The following STX17 variants were observed in gnomAD, a reference collection of about 807,000 sequenced individuals.
STX17 encodes the protein syntaxin 17, also known as syntaxin-17.
STX17 carries 29 observed loss-of-function variants against 35.9 expected under a neutral mutation model. That is an observed-to-expected ratio of 0.81 (90% CI 0.60 to 1.10). The LOEUF (loss-of-function observed/expected upper bound fraction) is 1.10, where lower values mean the gene tolerates loss of function less well. STX17 is among the 50% of genes least tolerant of loss of function. STX17 has a pLI of 0.00. For synonymous variants in STX17, 92 were observed against 118.3 expected, an observed-to-expected ratio of 0.78 and a Z score of 1.44; for missense variants, 312 against 352.3, an observed-to-expected ratio of 0.89 and a Z score of 0.92.
chr9:99,959,934 G>A lies in STX17; in HGVS notation c.433G>A (p.Glu145Lys), dbSNP rs368533656. Residue 145 changes from glutamate to lysine, a missense_variant, in exon 5 of 8, where the codon GAA (glutamate) becomes AAA (lysine). Glu to Lys is a moderately conservative substitution (Grantham distance 56). Transcript: ENST00000259400. ...MTVGGAFHTT[E>K]AEASSQSLTQ... ...TCATCCAGGAGCATTTCATACTACT[G>A]AAGCTGAAGCTAGTTCTCAGAGTTT... 9 of 1,612,808 alleles carry A rather than the reference G, an allele frequency of 5.6e-6. No individual in the cohort carries two copies. Among genetic ancestry groups the A allele is most frequent in the Non-Finnish European group, 7.6e-6 (9 of 1,179,586 alleles).
chr9:99,949,179 A>G (rs1461751415), intron 3 of STX17, among the ~76,000 whole-genome samples: 1 of 152,102 alleles, frequency 6.6e-6, no homozygotes, highest in Non-Finnish European at 1.5e-5. Flanking sequence ...TAATTTTAAC[A>G]TATTAATACC....
intron 3 of STX17, among the ~76,000 whole-genome samples, chr9:99,943,083 G>A (rs904588494): frequency 6.6e-6 from 1 of 152,006 alleles, no homozygotes; most frequent in Non-Finnish European, 1.5e-5. Flanking sequence ...TTAACCTTTT[G>A]CAAATTTATT....
chr9:99,926,060 G>C (rs1331211087), intron 2 of STX17, among the ~76,000 whole-genome samples: 1 of 151,694 alleles, frequency 6.6e-6, no homozygotes, highest in African/African-American at 2.4e-5. Flanking sequence ...CTATTGCTGT[G>C]TCCTTAGGTT....
At chr9:99,968,008 T>C (rs1464934708) in intron 7 of STX17, among the ~76,000 whole-genome samples, 3 of 152,142 alleles carry the variant, frequency 2.0e-5, no homozygotes, top group Admixed American at 2.0e-4. Flanking sequence ...TTGCAGAGGG[T>C]AAAAGTGTAA....
intron 3 of STX17, among the ~76,000 whole-genome samples, chr9:99,947,563 T>G (rs2118466228): frequency 6.6e-6 from 1 of 152,306 alleles, no homozygotes; most frequent in South Asian, 2.1e-4. Flanking sequence ...CCTCCAGATA[T>G]TTTCATTTGC....
At chr9:99,959,598 T>C (rs6478990) in intron 4 of STX17, among the ~76,000 whole-genome samples, 104,286 of 151,288 alleles carry the variant, frequency 0.69, 36,218 homozygotes, top group African/African-American at 0.72. Flanking sequence ...TAGCTGGGAC[T>C]ACAGGTGTGT....
At position 99,968,777 on chromosome 9, in the gene STX17, G is replaced by C; in HGVS notation, c.*104G>C. On this transcript the variant is annotated 3_prime_UTR_variant, in exon 8 of 8. Transcript: ENST00000259400. Reference sequence around the variant, plus strand: ...TGGAACACAAGTATATCAAGATAGTGGCTACTGATGTTCAAGTGGGATTGA... The same window carrying C: ...TGGAACACAAGTATATCAAGATAGTCGCTACTGATGTTCAAGTGGGATTGA... 1 of 1,487,880 alleles carries C rather than the reference G, an allele frequency of 6.7e-7. No homozygotes were observed. Among genetic ancestry groups the C allele is most frequent in the Non-Finnish European group, 9.1e-7 (1 of 1,104,878 alleles). The allele number at this position is 1,487,880 out of a possible 1,614,324, so 92.2% of individuals were successfully genotyped here. A position where few individuals can be genotyped will look rare whatever the true frequency, so the allele number is the denominator to read the frequency against.
intron 3 of STX17, among the ~76,000 whole-genome samples, chr9:99,932,585 T>C (rs1829148129): frequency 6.6e-6 from 1 of 152,194 alleles, no homozygotes; most frequent in Non-Finnish European, 1.5e-5. Flanking sequence ...GTTTAATCTA[T>C]CATTTAAAAA....
chr9:99,913,500 G>T (rs868096229), intron 1 of STX17, among the ~76,000 whole-genome samples: 2 of 151,776 alleles, frequency 1.3e-5, no homozygotes, highest in Non-Finnish European at 1.5e-5. Flanking sequence ...ATTCAGGCTG[G>T]CCTCTTACTG....
At chr9:99,947,877 A>G (rs1241292919) in intron 3 of STX17, among the ~76,000 whole-genome samples, 4 of 151,208 alleles carry the variant, frequency 2.6e-5, no homozygotes, top group African/African-American at 7.3e-5. Context: ...ACCTCTCTAG[A>G]TTTCCATCTT....
intron 4 of STX17, among the ~76,000 whole-genome samples, chr9:99,955,910 A>G (rs1482930186): frequency 6.6e-6 from 1 of 152,150 alleles, no homozygotes; most frequent in Non-Finnish European, 1.5e-5. Context: ...CTGAAACTAT[A>G]ATCTATCTCA....
chr9:99,913,308 CT>C (rs1828697215), intron 1 of STX17, among the ~76,000 whole-genome samples: 1 of 151,982 alleles, frequency 6.6e-6, no homozygotes, highest in African/African-American at 2.4e-5. Flanking sequence ...GGGACTTCTA[CT>C]TGTTATTAAG....
rs1830064088 is a variant in STX17, at chr9:99,974,229, T to C, written c.*5556T>C. ...CCATTGTCCAGCTCCTGTGAAAAACTTAATATTTGAGAAAGACATTCAATG... is the reference window on the plus strand; with the variant it reads ...CCATTGTCCAGCTCCTGTGAAAAACCTAATATTTGAGAAAGACATTCAATG... On this transcript the variant is annotated 3_prime_UTR_variant, in exon 8 of 8. Coordinates refer to ENST00000259400, the MANE Select transcript of STX17 (RefSeq NM_017919.3). Among the ~76,000 whole-genome samples the C allele has an allele frequency of 6.6e-6, 1 of 152,162 alleles. No homozygotes were observed. Among genetic ancestry groups the C allele is most frequent in the South Asian group, 2.1e-4 (1 of 4,830 alleles).
chr9:99,915,215 G>A lies in STX17; in HGVS notation c.-25G>A, dbSNP rs750605188. On this transcript the variant is annotated 5_prime_UTR_variant, in exon 2 of 8. Transcript: ENST00000259400. ...GAGTGGAGAAGACAGCTGTTACCAG[G>A]GAGGTCATACAACATTTTTTTAGGA... 1.9e-6 allele frequency: 3 copies of A among 1,600,030 alleles called. No individual in the cohort carries two copies. The East Asian group carries it at 6.8e-5, about 36-fold the overall frequency.
intron 6 of STX17, among the ~76,000 whole-genome samples, chr9:99,961,816 A>G (rs1467314727): frequency 1.3e-5 from 2 of 152,152 alleles, no homozygotes; most frequent in African/African-American, 4.8e-5. Flanking sequence ...TCTTGCCCCA[A>G]TTTCTAAAAT....
chr9:99,953,155 A>T (rs55907318), intron 4 of STX17, among the ~76,000 whole-genome samples: 2,398 of 152,156 alleles, frequency 0.016, 60 homozygotes, highest in African/African-American at 0.055. Flanking sequence ...TTTTAATTTT[A>T]TATTTTCAGT....
rs1479743856 is a variant in STX17 at position 99,971,687 on chromosome 9, A to AAAACTTTTATGTCTCTCAGACTATACAGC, written c.*3015_*3043dup. ...TGTTAACTAGGTCTGTTGAGCTACA[A>AAAACTTTTATGTCTCTCAGACTATACAGC]AAACTTTTATGTCTCTCAGACTATA... On this transcript the variant is annotated 3_prime_UTR_variant, in exon 8 of 8. Coordinates refer to ENST00000259400, the MANE Select transcript of STX17 (RefSeq NM_017919.3). 6.6e-6 allele frequency among the ~76,000 whole-genome samples: 1 copy of AAAACTTTTATGTCTCTCAGACTATACAGC among 152,210 alleles called. No individual in the cohort carries two copies. Among genetic ancestry groups the AAAACTTTTATGTCTCTCAGACTATACAGC allele is most frequent in the African/African-American group, 2.4e-5 (1 of 41,440 alleles).
At chr9:99,908,840 T>TA (rs1305435197) in intron 1 of STX17, among the ~76,000 whole-genome samples, 1 of 152,232 alleles carries the variant, frequency 6.6e-6, no homozygotes, top group African/African-American at 2.4e-5. Context: ...AGTCTATACA[T>TA]ATGCATACCC....
chr9:99,910,065 T>C (rs1360973423), intron 1 of STX17, among the ~76,000 whole-genome samples: 5 of 152,020 alleles, frequency 3.3e-5, no homozygotes, highest in African/African-American at 7.2e-5. Context: ...AAACCCCGTC[T>C]CTACTAAAAA....
Sources: allele counts gnomAD v4.1 joint callset (sites outside exome capture counted in the v4.1 genomes callset), GRCh38; gene constraint gnomAD v4.1.1; transcripts MANE v1.5; gene names NCBI Gene and HGNC (gene_info 2026-07-23, HGNC 2026-07-21).